The following C8orf89 variants were observed in gnomAD, a reference collection of about 807,000 sequenced individuals.
C8orf89 encodes the protein chromosome 8 open reading frame 89.
C8orf89 carries 14 observed loss-of-function variants against 15.8 expected under a neutral mutation model. That is an observed-to-expected ratio of 0.89 (90% CI 0.59 to 1.39). The LOEUF (loss-of-function observed/expected upper bound fraction) is 1.39. Ranked by LOEUF, C8orf89 falls within the 40% of genes most tolerant of loss-of-function variation. The pLI is 0.00. For missense variants in C8orf89, 181 were observed against 184.5 expected (o/e 0.98, Z 0.11); for synonymous variants, 55 against 62.2 (o/e 0.88, Z 0.54).
the C8orf89 span, among the ~76,000 whole-genome samples, chr8:73,274,897 AGCT>A: frequency 6.6e-6 from 1 of 152,210 alleles, no homozygotes; most frequent in Non-Finnish European, 1.5e-5. Flanking sequence ...TATTGATTTT[AGCT>A]GCTGTCTATA....
At chr8:73,278,451 G>A in the C8orf89 span, among the ~76,000 whole-genome samples, 5 of 151,992 alleles carry the variant, frequency 3.3e-5, no homozygotes, top group Non-Finnish European at 7.4e-5. Flanking sequence ...CTACCCTGAC[G>A]CCCGGGCGCT....
chr8:73,276,669 A>G, the C8orf89 span, among the ~76,000 whole-genome samples: 5 of 152,172 alleles, frequency 3.3e-5, no homozygotes, highest in African/African-American at 1.2e-4. Context: ...AAAACACACA[A>G]GCCAAAAAAC....
the C8orf89 span, among the ~76,000 whole-genome samples, chr8:73,279,751 T>C: frequency 1.3e-5 from 2 of 152,212 alleles, no homozygotes; most frequent in African/African-American, 4.8e-5. Context: ...AGCTAGGTCA[T>C]AAAAGTGATA....
the C8orf89 span, among the ~76,000 whole-genome samples, chr8:73,272,147 T>G: frequency 6.6e-6 from 1 of 152,102 alleles, no homozygotes; most frequent in Non-Finnish European, 1.5e-5. Context: ...CAAACTTAGA[T>G]CTCCACCTTT....
chr8:73,265,449 G>C, the C8orf89 span, among the ~76,000 whole-genome samples: 1 of 152,210 alleles, frequency 6.6e-6, no homozygotes, highest in Non-Finnish European at 1.5e-5. Context: ...GCACATAAAG[G>C]ACACTGTGGA....
intron 1 of C8orf89, among the ~76,000 whole-genome samples, chr8:73,258,987 T>C (rs1813468982): frequency 6.6e-6 from 1 of 152,172 alleles, no homozygotes; most frequent in Non-Finnish European, 1.5e-5. Context: ...TCTTAAAATA[T>C]AAAAATCACC....
chr8:73,271,072 T>C, the C8orf89 span, among the ~76,000 whole-genome samples: 1 of 152,184 alleles, frequency 6.6e-6, no homozygotes, highest in African/African-American at 2.4e-5. Context: ...CAATCCCCCA[T>C]TCCTGCCACC....
the C8orf89 span, among the ~76,000 whole-genome samples, chr8:73,267,644 TGGC>T: frequency 4.6e-5 from 7 of 152,236 alleles, no homozygotes; most frequent in Non-Finnish European, 8.8e-5. Flanking sequence ...AAATGGAGCT[TGGC>T]AATTATGACG....
chr8:73,249,509 T>C (rs1364975783), intron 3 of C8orf89, among the ~76,000 whole-genome samples: 8 of 152,190 alleles, frequency 5.3e-5, no homozygotes, highest in Non-Finnish European at 8.8e-5. Context: ...GCTCTTTTTG[T>C]ACATCTGGTA....
the C8orf89 span, among the ~76,000 whole-genome samples, chr8:73,285,776 C>G: frequency 6.6e-6 from 1 of 152,218 alleles, no homozygotes; most frequent in Non-Finnish European, 1.5e-5. Flanking sequence ...CCCAGTCCAG[C>G]CTTGTCGCAG....
At chr8:73,274,906 CTATA>C in the C8orf89 span, among the ~76,000 whole-genome samples, 1 of 152,132 alleles carries the variant, frequency 6.6e-6, no homozygotes, top group African/African-American at 2.4e-5. Flanking sequence ...TAGCTGCTGT[CTATA>C]TCATATCGAT....
At chr8:73,260,772 T>G (rs1439647624), upstream of C8orf89, among the ~76,000 whole-genome samples, 1 of 152,076 alleles carries the variant, frequency 6.6e-6, no homozygotes, top group African/African-American at 2.4e-5. Context: ...TCAACTTGAT[T>G]GGATTGAAGG....
chr8:73,272,016 C>T, the C8orf89 span, among the ~76,000 whole-genome samples: 643 of 152,280 alleles, frequency 4.2e-3, 4 homozygotes, highest in African/African-American at 0.015. Flanking sequence ...GAAATGATAG[C>T]TGCAATTATT....
At chr8:73,253,501 C>T (rs1409961802) in intron 2 of C8orf89, among the ~76,000 whole-genome samples, 1 of 151,566 alleles carries the variant, frequency 6.6e-6, no homozygotes, top group Non-Finnish European at 1.5e-5. Context: ...ATGGGGATGG[C>T]ATTGAATCTA....
At chr8:73,261,308 C>A (rs1813525158), upstream of C8orf89, among the ~76,000 whole-genome samples, 1 of 152,104 alleles carries the variant, frequency 6.6e-6, no homozygotes, top group Non-Finnish European at 1.5e-5. Flanking sequence ...AACAGGGTTC[C>A]AGAATGTAGT....
At chr8:73,284,512 C>A in the C8orf89 span, among the ~76,000 whole-genome samples, 3 of 151,942 alleles carry the variant, frequency 2.0e-5, no homozygotes, top group African/African-American at 7.3e-5. Flanking sequence ...CATGCCTGGC[C>A]CGCTCCATCA....
the C8orf89 span, among the ~76,000 whole-genome samples, chr8:73,271,452 T>A: frequency 1.3e-5 from 2 of 152,264 alleles, no homozygotes; most frequent in South Asian, 2.1e-4. Flanking sequence ...AAAGCCAGGA[T>A]GCCCCTTGGG....
chr8:73,274,239 C>T, the C8orf89 span, among the ~76,000 whole-genome samples: 4 of 152,110 alleles, frequency 2.6e-5, no homozygotes, highest in South Asian at 4.2e-4. Flanking sequence ...CTGTAAGCTC[C>T]GCCTCCCGGG....
At chr8:73,255,393 G>C (rs1320057259) in intron 2 of C8orf89, among the ~76,000 whole-genome samples, 1 of 150,910 alleles carries the variant, frequency 6.6e-6, no homozygotes, top group Non-Finnish European at 1.5e-5. Flanking sequence ...GGCCATCAGA[G>C]AAATGCAAAT....
Sources: gnomAD v4.1 joint callset for allele counts (sites outside exome capture counted in the v4.1 genomes callset) on GRCh38, gnomAD v4.1.1 for gene constraint, MANE v1.5 for transcripts, NCBI Gene and HGNC (gene_info 2026-07-23, HGNC 2026-07-21) for gene names.